Variants in CAMSAP1 observed in about 807,000 individuals in gnomAD.
CAMSAP1 encodes calmodulin regulated spectrin associated protein 1.
In CAMSAP1, 58 loss-of-function variants were observed where a neutral mutation model predicts 143.5. The ratio of observed to expected loss-of-function variants is 0.40; its 90% confidence interval spans 0.33 to 0.50. The LOEUF (loss-of-function observed/expected upper bound fraction) is 0.50, where lower values mean the gene tolerates loss of function less well. Ranked by LOEUF, CAMSAP1 falls within the 20% of genes least tolerant of loss-of-function variation. The pLI, the probability that CAMSAP1 is intolerant of heterozygous loss-of-function variation, is 0.45. For missense variants in CAMSAP1, 1,969 were observed against 2,115.7 expected, an observed-to-expected ratio of 0.93 and a Z score of 1.36; for synonymous variants, 945 against 859.3, an observed-to-expected ratio of 1.10 and a Z score of -1.74.
intron 1 of CAMSAP1, among the ~76,000 whole-genome samples, chr9:135,903,304 G>C (rs1245356178): frequency 6.6e-6 from 1 of 152,222 alleles, no homozygotes; most frequent in Non-Finnish European, 1.5e-5. Flanking sequence ...TTTTTAAGCG[G>C]ACAATTTTCA....
At chr9:135,841,080 G>A (rs1296836566) in intron 7 of CAMSAP1, among the ~76,000 whole-genome samples, 1 of 152,168 alleles carries the variant, frequency 6.6e-6, no homozygotes, top group Admixed American at 6.5e-5. Context: ...ACAGAGCCCA[G>A]GAAGCTAAGA....
rs1835426634 is a variant in CAMSAP1 at position 135,820,974 on chromosome 9, G to A, written c.3687C>T (p.Ser1229=). The change falls in exon 11 of 17, where the codon AGC becomes AGT. Residue 1229 remains serine (S), a synonymous_variant. Transcript: ENST00000389532. This position sits in a 1 kb window ranked among gnomAD's most constrained non-coding sequence, Gnocchi z 4.4. ...GGTCCACTTCAATGAGGCTGGCCCT[G>A]CTCCTCAGAGGCTCCTCCACGGGGA... ...ESVPVEEPLR[S]RASLIEVDLS... is the part of the protein sequence containing the mutation. 2.5e-6 allele frequency: 4 copies of A among 1,612,954 alleles called. No individual in the cohort carries two copies. Among genetic ancestry groups the A allele is most frequent in the East Asian group, 4.5e-5 (2 of 44,882 alleles).
intron 3 of CAMSAP1, among the ~76,000 whole-genome samples, chr9:135,878,570 T>C (rs1180678922): frequency 3.9e-5 from 6 of 152,208 alleles, no homozygotes; most frequent in African/African-American, 1.4e-4. Flanking sequence ...CCCAAGCTTA[T>C]TAAACATGCA....
chr9:135,882,830 C>A lies in CAMSAP1; in HGVS notation c.409G>T (p.Ala137Ser). 1 of 1,550,644 alleles carries A rather than the reference C, an allele frequency of 6.4e-7. No homozygotes were observed. The highest frequency in any genetic ancestry group is 8.7e-7 in the Non-Finnish European group (1 of 1,146,856). Residue 137 changes from alanine to serine, a missense_variant, in exon 2 of 17, where the codon GCA (alanine) becomes TCA (serine). Ala to Ser is a moderately conservative substitution (Grantham distance 99). Around this residue, in one of 4 missense-constraint regions of CAMSAP1, gnomAD observed 215 missense variants for 196.2 expected, o/e 1.10. Transcript: ENST00000389532. This position sits in a 1 kb window ranked among gnomAD's most constrained non-coding sequence, Gnocchi z 4.9. ...TPVTESDLSR[A>S]PIKMSAHMAM... ...AGACCACTCACCATTTTTATGGGTG[C>A]GCGACTGAGGTCGGACTCTGTCACG...
chr9:135,897,421 T>G (rs917018412), intron 1 of CAMSAP1, among the ~76,000 whole-genome samples: 4 of 152,166 alleles, frequency 2.6e-5, no homozygotes, highest in Non-Finnish European at 5.9e-5. Flanking sequence ...CCCAAAGTGC[T>G]TGGATTACGG....
At chr9:135,867,972 T>C (rs754259956) in intron 3 of CAMSAP1, among the ~76,000 whole-genome samples, 2 of 152,104 alleles carry the variant, frequency 1.3e-5, no homozygotes, top group African/African-American at 4.8e-5. Flanking sequence ...TCTTAAAAAG[T>C]TGGAGCAAGA....
chr9:135,811,776 G>A lies in CAMSAP1; in HGVS notation c.4507-165C>T, dbSNP rs1835062728. 6.6e-6 allele frequency among the ~76,000 whole-genome samples: 1 copy of A among 152,206 alleles called. No homozygotes were observed. The highest frequency in any genetic ancestry group is 1.5e-5 in the Non-Finnish European group (1 of 68,036). ...AACAATTACAGCAGACCCCTGTACG[G>A]GAGCATTATATGCCATTGAGACTTT... is the stretch of plus-strand genomic sequence containing the variant. On this transcript the variant is annotated intron_variant, in intron 16 of 16. Transcript: ENST00000389532. The surrounding 1 kb of genome is among the most constrained non-coding windows in gnomAD (Gnocchi z 4.9).
intron 3 of CAMSAP1, among the ~76,000 whole-genome samples, chr9:135,880,911 C>T (rs1318747198): frequency 6.6e-6 from 1 of 152,172 alleles, no homozygotes; most frequent in Non-Finnish European, 1.5e-5. Flanking sequence ...TAAAATTACA[C>T]TATGAGCTTC....
At chr9:135,906,882 T>TGTGCGGACGCGGCACAAAGGCGCGGC (rs1420006643) in intron 1 of CAMSAP1, 118 bp downstream of exon 1, 3 of 573,518 alleles carry the variant, frequency 5.2e-6, no homozygotes, top group Non-Finnish European at 6.6e-6. Context: ...GCCCCGACCC[T>TGTGCGGACGCGGCACAAAGGCGCGGC]GTGCGGACGC....
intron 3 of CAMSAP1, among the ~76,000 whole-genome samples, chr9:135,877,507 A>G (rs889685397): frequency 3.3e-5 from 5 of 151,830 alleles, no homozygotes; most frequent in South Asian, 2.1e-4. Flanking sequence ...AAAAAAAAAA[A>G]AAAAAAGAAA....
At position 135,818,200 on chromosome 9, in the gene CAMSAP1, C is replaced by A. The variant is rs756004303; in HGVS notation, c.4169-121G>T. 4.2e-6 allele frequency: 5 copies of A among 1,199,082 alleles called. No individual in the cohort carries two copies. The highest frequency in any genetic ancestry group is 5.9e-6 in the Non-Finnish European group (5 of 853,538). 74.3% of individuals were successfully genotyped at this position (1,199,082 alleles called of 1,614,324 possible). A position where few individuals can be genotyped will look rare whatever the true frequency, so the allele number is the denominator to read the frequency against. On this transcript the variant is annotated intron_variant, in intron 13 of 16. Coordinates refer to ENST00000389532, the MANE Select transcript of CAMSAP1 (RefSeq NM_015447.4). The surrounding 1 kb of genome is among the most constrained non-coding windows in gnomAD (Gnocchi z 7.7). ...CTCGGCCACACAGGCCGCGTCCCCA[C>A]CCCATCCCGGGGAGCCGGGCTGCGC...
chr9:135,865,539 A>C (rs1025726606), intron 4 of CAMSAP1, among the ~76,000 whole-genome samples: 3 of 152,208 alleles, frequency 2.0e-5, no homozygotes, highest in Admixed American at 2.0e-4. Flanking sequence ...TTAGCAGATG[A>C]TTAAAGTGGA....
intron 1 of CAMSAP1, 100 bp downstream of exon 1, chr9:135,906,900 A>G: frequency 1.5e-6 from 1 of 669,192 alleles, no homozygotes; most frequent in African/African-American, 2.0e-5. Flanking sequence ...CGCGGCACAA[A>G]GGCGCGGCGC....
chr9:135,818,988 TC>T lies in CAMSAP1; in HGVS notation c.3959+21del, dbSNP rs550353201. On this transcript the variant is annotated intron_variant, in intron 12 of 16. Coordinates refer to ENST00000389532, the MANE Select transcript of CAMSAP1 (RefSeq NM_015447.4). The surrounding 1 kb of genome is among the most constrained non-coding windows in gnomAD (Gnocchi z 7.7). ...CACCAGGCTCCTGCTCAGTCTGCTT[TC>T]CCCCCCGGCGGGACGCTTACCGGGC... 24 of 1,601,084 alleles carry T rather than the reference TC, an allele frequency of 1.5e-5. No individual in the cohort carries two copies. Among genetic ancestry groups the T allele is most frequent in the Admixed American group, 3.4e-5 (2 of 59,570 alleles).
At chr9:135,816,575 A>G (rs141604668) in intron 14 of CAMSAP1, among the ~76,000 whole-genome samples, 2 of 152,338 alleles carry the variant, frequency 1.3e-5, no homozygotes, top group Non-Finnish European at 2.9e-5. Flanking sequence ...AGGGAGGCAG[A>G]CAGAGCTGGA....
chr9:135,866,933 C>G (rs1837398304), intron 3 of CAMSAP1, among the ~76,000 whole-genome samples: 1 of 152,218 alleles, frequency 6.6e-6, no homozygotes, highest in Non-Finnish European at 1.5e-5. Context: ...TAACTTGTGA[C>G]AGGATGGGTC....
chr9:135,897,507 G>A (rs957697847), intron 1 of CAMSAP1, among the ~76,000 whole-genome samples: 2 of 152,160 alleles, frequency 1.3e-5, no homozygotes, highest in Admixed American at 6.5e-5. Context: ...TGTGAGATGA[G>A]AAAATGCCTA....
rs191403710 is a variant in CAMSAP1 at position 135,822,539 on chromosome 9, C to T, written c.2122G>A (p.Asp708Asn). The change falls in exon 11 of 17, where the codon GAT becomes AAT. Residue 708 changes from aspartate (D) to asparagine (N), a missense_variant. Asp to Asn is a conservative substitution (Grantham distance 23). Around this residue, in one of 4 missense-constraint regions of CAMSAP1, gnomAD observed 1,390 missense variants for 1,420.8 expected, o/e 0.98. Transcript: ENST00000389532. The surrounding 1 kb of genome is among the most constrained non-coding windows in gnomAD (Gnocchi z 6.1). Reference protein sequence around the residue: ...DGFFLHVGRADEDTEGRLYVS... With the variant: ...DGFFLHVGRANEDTEGRLYVS... ...TATAACCTTCCCTCGGTGTCTTCAT[C>T]GGCCCTGCCTACATGAAGGAAGAAG... 229 of 1,613,778 alleles carry T rather than the reference C, an allele frequency of 1.4e-4. 1 individual carries two copies. Among genetic ancestry groups the T allele is most frequent in the Non-Finnish European group, 1.7e-4 (204 of 1,179,846 alleles).
At position 135,822,576 on chromosome 9, in the gene CAMSAP1, T is replaced by C; in HGVS notation, c.2085A>G (p.Pro695=). 4 of 1,613,718 alleles carry C rather than the reference T, an allele frequency of 2.5e-6. No individual in the cohort carries two copies. Among genetic ancestry groups the C allele is most frequent in the Non-Finnish European group, 3.4e-6 (4 of 1,179,854 alleles). ...LGGFDPFPQG[P]STDGFFLHVG... is the part of the protein sequence containing the mutation. ...CATGAAGGAAGAAGCCATCCGTGGA[T>C]GGTCCCTGGGGGAACGGATCGAATC... Residue 695 remains proline (P), a synonymous_variant, in exon 11 of 17, where the codon CCA becomes CCG. Coordinates refer to ENST00000389532, the MANE Select transcript of CAMSAP1 (RefSeq NM_015447.4). This position sits in a 1 kb window ranked among gnomAD's most constrained non-coding sequence, Gnocchi z 6.1.
Sources: gnomAD v4.1 joint callset for allele counts (sites outside exome capture counted in the v4.1 genomes callset) on GRCh38, gnomAD v4.1.1 for gene constraint, gnomAD v4.1.1 regional missense constraint, Gnocchi (gnomAD v3.1) non-coding constraint, MANE v1.5 for transcripts, NCBI Gene and HGNC (gene_info 2026-07-23, HGNC 2026-07-21) for gene names.